Variants in FIGN observed in about 807,000 individuals in gnomAD.
FIGN encodes fidgetin, microtubule severing factor.
In FIGN, 11 loss-of-function variants were observed where a neutral mutation model predicts 51.3. That is an observed-to-expected ratio of 0.21 (90% confidence interval 0.13 to 0.35). FIGN has a LOEUF of 0.35. Ranked by LOEUF, FIGN falls within the 10% of genes least tolerant of loss-of-function variation. The pLI is 1.00. For synonymous variants in FIGN, 407 were observed against 363.2 expected, an observed-to-expected ratio of 1.12 and a Z score of -1.37; for missense variants, 857 against 943.6, an observed-to-expected ratio of 0.91 and a Z score of 1.20.
intron 2 of FIGN, among the ~76,000 whole-genome samples, chr2:163,632,953 A>G (rs759919643): frequency 1.3e-5 from 2 of 152,094 alleles, no homozygotes; most frequent in Non-Finnish European, 1.5e-5. Flanking sequence ...CACTTAGGGA[A>G]GCCAAGACAG....
chr2:163,624,823 A>G lies in FIGN; in HGVS notation c.26-13017T>C, dbSNP rs1037476847. On this transcript the variant is annotated intron_variant, in intron 2 of 2. Transcript: ENST00000333129. ...CTTATTAGGTAACTGTGTTTAATAA[A>G]CCACTCTTTAGAAAAATACCAGTAA... 6.6e-5 allele frequency among the ~76,000 whole-genome samples: 10 copies of G among 151,840 alleles called. 1 individual carries two copies. In the South Asian group the frequency reaches 1.0e-3, roughly 16 times the overall value.
chr2:163,702,516 G>T (rs1281283920), intron 2 of FIGN, among the ~76,000 whole-genome samples: 1 of 151,978 alleles, frequency 6.6e-6, no homozygotes, highest in Non-Finnish European at 1.5e-5. Context: ...GCATGTAGTG[G>T]TACCATTCCT....
chr2:163,677,346 T>C (rs1683988941), intron 2 of FIGN, among the ~76,000 whole-genome samples: 1 of 152,218 alleles, frequency 6.6e-6, no homozygotes, highest in Non-Finnish European at 1.5e-5. Flanking sequence ...CCAAATACCT[T>C]AACCCCACTG....
rs753338925 is a variant in FIGN at position 163,611,517 on chromosome 2, T to C, written c.315A>G (p.Glu105=). 5.0e-6 allele frequency: 8 copies of C among 1,614,216 alleles called. No homozygotes were observed. The South Asian group carries it at 8.8e-5, about 18-fold the overall frequency. ...TCAAGGAAGGCTGCCAGGGTTCACTTTCATTTTTCCGACCGTTCACTAGTC... is the reference window on the plus strand; with the variant it reads ...TCAAGGAAGGCTGCCAGGGTTCACTCTCATTTTTCCGACCGTTCACTAGTC... ...PSGLVNGRKN[E]SEPWQPSLNS... Residue 105 remains glutamate, a synonymous_variant, in exon 3 of 3, where the codon GAA becomes GAG. Coordinates refer to ENST00000333129, the MANE Select transcript of FIGN (RefSeq NM_018086.4).
intron 2 of FIGN, chr2:163,612,201 A>G (rs1488589241): frequency 1.8e-6 from 1 of 549,962 alleles, no homozygotes; most frequent in Non-Finnish European, 2.3e-6. Context: ...CAGACATTTT[A>G]AATATCTTGC....
At chr2:163,629,448 C>T (rs1053119936) in intron 2 of FIGN, among the ~76,000 whole-genome samples, 2 of 152,002 alleles carry the variant, frequency 1.3e-5, no homozygotes, top group African/African-American at 4.8e-5. Context: ...AGATGGCAAG[C>T]ATTAGAGGAT....
chr2:163,604,079 G>GC lies in FIGN; in HGVS notation c.*5472dup, dbSNP rs1691033149. On this transcript the variant is annotated 3_prime_UTR_variant, in exon 3 of 3. Transcript: ENST00000333129. ...TTGGTTTATTTTCAGTGTTGTGCAGGCCCTTGCAACTGCATTGTTTTTCTT... is the reference window on the plus strand; with the variant it reads ...TTGGTTTATTTTCAGTGTTGTGCAGGCCCCTTGCAACTGCATTGTTTTTCTT... 6.6e-6 allele frequency: 1 copy of GC among 152,018 alleles called. No individual in the cohort carries two copies. The highest frequency in any genetic ancestry group is 6.6e-5 in the Admixed American group (1 of 15,244). 9.4% of individuals were successfully genotyped at this position (152,018 alleles called of 1,614,324 possible). A position where few individuals can be genotyped will look rare whatever the true frequency, so the allele number is the denominator to read the frequency against.
chr2:163,661,393 T>C (rs532908715), intron 2 of FIGN, among the ~76,000 whole-genome samples: 1 of 151,274 alleles, frequency 6.6e-6, no homozygotes, highest in Admixed American at 6.6e-5. Flanking sequence ...GCATGCACCA[T>C]CACGCCTAAT....
At chr2:163,613,462 C>A (rs1682809661) in intron 2 of FIGN, among the ~76,000 whole-genome samples, 1 of 152,084 alleles carries the variant, frequency 6.6e-6, no homozygotes, top group Non-Finnish European at 1.5e-5. Flanking sequence ...CTCTTCATTG[C>A]CTGACTCTGG....
intron 2 of FIGN, among the ~76,000 whole-genome samples, chr2:163,651,791 G>A (rs1315491394): frequency 6.6e-6 from 1 of 152,130 alleles, no homozygotes; most frequent in East Asian, 1.9e-4. Flanking sequence ...TCATTACATC[G>A]TGGGCAAATG....
chr2:163,670,056 A>C (rs1196975266), intron 2 of FIGN, among the ~76,000 whole-genome samples: 1 of 152,242 alleles, frequency 6.6e-6, no homozygotes, highest in African/African-American at 2.4e-5. Context: ...GTTTTTTATT[A>C]TATAGAAAAA....
intron 2 of FIGN, among the ~76,000 whole-genome samples, chr2:163,637,315 T>A (rs181215536): frequency 3.2e-4 from 49 of 152,334 alleles, no homozygotes; most frequent in African/African-American, 1.1e-3. Context: ...CTAAAGAGTT[T>A]ATGTTCTTCT....
At chr2:163,663,168 G>GTTTGTTTGTTTGTTTGTTTTTTGAGA (rs1683717556) in intron 2 of FIGN, among the ~76,000 whole-genome samples, 1 of 151,676 alleles carries the variant, frequency 6.6e-6, no homozygotes, top group Non-Finnish European at 1.5e-5. Context: ...TGATCCACCT[G>GTTTGTTTGTTTGTTTGTTTTTTGAGA]CCTTGACCTC....
chr2:163,609,543 A>T lies in FIGN; in HGVS notation c.*9T>A. On this transcript the variant is annotated 3_prime_UTR_variant, in exon 3 of 3. Coordinates refer to ENST00000333129, the MANE Select transcript of FIGN (RefSeq NM_018086.4). ...ACATTCATTACATTTTTTTTTTCTA[A>T]AGAAGTTATCACTGACTGCAACCAA... 1 of 1,590,328 alleles carries T rather than the reference A, an allele frequency of 6.3e-7. No individual in the cohort carries two copies. Among genetic ancestry groups the T allele is most frequent in the Admixed American group, 1.8e-5 (1 of 56,660 alleles).
intron 2 of FIGN, among the ~76,000 whole-genome samples, chr2:163,669,362 C>T (rs1683839642): frequency 6.6e-6 from 1 of 152,122 alleles, no homozygotes; most frequent in Non-Finnish European, 1.5e-5. Flanking sequence ...CAGGCGCATG[C>T]CACCATGCCC....
Position 163,610,408 on chromosome 2 carries a change from T to A in FIGN, c.1424A>T (p.Glu475Val), listed in dbSNP as rs1460111191. 1 of 1,614,092 alleles carries A rather than the reference T, an allele frequency of 6.2e-7. No homozygotes were observed. Among genetic ancestry groups the A allele is most frequent in the Admixed American group, 1.7e-5 (1 of 60,022 alleles). ...DTHLIDLVTN[E>V]IITQGPPVDW... The stretch of plus-strand genomic sequence containing the variant: ...CACTGGAGGTCCTTGGGTGATAATC[T>A]CATTGGTTACCAGGTCGATGAGGTG... The change falls in exon 3 of 3, where the codon GAG becomes GTG. Residue 475 changes from glutamate (E) to valine (V), a missense_variant. Physicochemically the swap from Glu to Val is moderately radical, Grantham distance 121. Transcript: ENST00000333129.
chr2:163,614,893 T>A (rs910995040), intron 2 of FIGN, among the ~76,000 whole-genome samples: 1 of 152,152 alleles, frequency 6.6e-6, no homozygotes, highest in African/African-American at 2.4e-5. Context: ...AAATATATTA[T>A]TCATACAAGA....
At chr2:163,688,538 G>A (rs1684189902) in intron 2 of FIGN, among the ~76,000 whole-genome samples, 1 of 152,162 alleles carries the variant, frequency 6.6e-6, no homozygotes, top group Admixed American at 6.6e-5. Flanking sequence ...ATATCTATGT[G>A]AAAGTTAAAA....
In FIGN at chr2:163,610,621, T is replaced by G; in HGVS notation, c.1211A>C (p.Tyr404Ser). The G allele has an allele frequency of 6.2e-7, 1 of 1,614,146 alleles. No homozygotes were observed. The highest frequency in any genetic ancestry group is 8.5e-7 in the Non-Finnish European group (1 of 1,180,008). The change falls in exon 3 of 3, where the codon TAC becomes TCC. Residue 404 changes from tyrosine (Y) to serine (S), a missense_variant. Physicochemically the swap from Tyr to Ser is moderately radical, Grantham distance 144 (BLOSUM62 -2). Transcript: ENST00000333129. ...QSSRALTPPS[Y>S]STAKNSLGSR... ...TCCCAATGAATTTTTAGCAGTACTGTAGGAAGGAGGGGTCAGAGCCCTACT... is the reference window on the plus strand; with the variant it reads ...TCCCAATGAATTTTTAGCAGTACTGGAGGAAGGAGGGGTCAGAGCCCTACT...
Sources: allele counts gnomAD v4.1 joint callset (sites outside exome capture counted in the v4.1 genomes callset), GRCh38; gene constraint gnomAD v4.1.1; transcripts MANE v1.5; gene names NCBI Gene and HGNC (gene_info 2026-07-23, HGNC 2026-07-21).